SLC41A3: variants seen among roughly 807,000 people sequenced by gnomAD.
SLC41A3 encodes solute carrier family 41 member 3, also known as SLC41A1-like 2.
A neutral mutation model predicts 45.4 loss-of-function variants in SLC41A3; 44 were observed. The observed-to-expected ratio is 0.97, with a 90% CI of 0.76 to 1.25. The LOEUF is 1.25. Ranked by LOEUF, SLC41A3 falls within the 50% of genes most tolerant of loss-of-function variation. SLC41A3 has a pLI of 0.00. For missense variants in SLC41A3, 550 were observed against 600.6 expected (o/e 0.92, Z 0.88); for synonymous variants, 256 against 252.4 (o/e 1.01, Z -0.13).
chr3:126,043,012 G>GA (rs35200644), intron 3 of SLC41A3, among the ~76,000 whole-genome samples: 24,505 of 138,856 alleles, frequency 0.18, 2,553 homozygotes, highest in Middle Eastern at 0.28. Flanking sequence ...TCCCAAATTT[G>GA]AAAAAAAAAA....
rs1559879560 is a variant in SLC41A3 at position 126,068,143 on chromosome 3, A to T, written c.77T>A (p.Leu26His). The T allele has an allele frequency of 2.5e-6, 4 of 1,605,356 alleles. No homozygotes were observed. Among genetic ancestry groups the T allele is most frequent in the Non-Finnish European group, 3.4e-6 (4 of 1,176,202 alleles). Residue 26 changes from leucine to histidine, a missense_variant, in exon 2 of 11, where the codon CTC becomes CAC. Transcript: ENST00000360370. ...GGCTACAGGGAGTCCTCCTGTGCTG[A>T]GGGGGTGAGGAAGCCCCAGCTCCCC... The part of the protein sequence containing the change: ...KPGELGLPHP[L>H]STGGLPVASE...
At chr3:126,080,076 A>T (rs1459302263) in intron 1 of SLC41A3, among the ~76,000 whole-genome samples, 1 of 152,234 alleles carries the variant, frequency 6.6e-6, no homozygotes, top group African/African-American at 2.4e-5. Context: ...ACATCAAAAC[A>T]GATTAAAGGC....
intron 9 of SLC41A3, among the ~76,000 whole-genome samples, chr3:126,011,133 G>A (rs1344471480): frequency 2.0e-5 from 3 of 152,124 alleles, no homozygotes; most frequent in Non-Finnish European, 4.4e-5. Context: ...CCGTTCTAAT[G>A]AAGCCACTAC....
At chr3:126,056,606 C>T in intron 2 of SLC41A3, 2 of 1,565,672 alleles carry the variant, frequency 1.3e-6, no homozygotes, top group South Asian at 1.2e-5. Context: ...CTGGGGTGCT[C>T]CAGTCCTCTC....
intron 1 of SLC41A3, among the ~76,000 whole-genome samples, chr3:126,070,920 G>A (rs1944589384): frequency 6.6e-6 from 1 of 151,796 alleles, no homozygotes; most frequent in Non-Finnish European, 1.5e-5. Context: ...AATCAAGTTG[G>A]AATTAAGTTG....
At chr3:126,099,957 A>G (rs912703783) in intron 1 of SLC41A3, among the ~76,000 whole-genome samples, 4 of 152,090 alleles carry the variant, frequency 2.6e-5, no homozygotes, top group African/African-American at 4.8e-5. Flanking sequence ...AGGATGCCTA[A>G]TGGATGTGCA....
At chr3:126,074,084 C>T (rs1258580012) in intron 1 of SLC41A3, among the ~76,000 whole-genome samples, 1 of 151,918 alleles carries the variant, frequency 6.6e-6, no homozygotes, top group South Asian at 2.1e-4. Flanking sequence ...GGGGAGAAAA[C>T]ATAGCTCAAC....
At chr3:126,088,151 G>T (rs527649770), upstream of SLC41A3, among the ~76,000 whole-genome samples, 4 of 151,400 alleles carry the variant, frequency 2.6e-5, no homozygotes, top group Admixed American at 1.3e-4. Context: ...ATTTTTTTTT[G>T]AAAACAGGCC....
chr3:126,040,094 G>A (rs1457638416), intron 3 of SLC41A3, among the ~76,000 whole-genome samples: 2 of 152,218 alleles, frequency 1.3e-5, no homozygotes, highest in Admixed American at 6.5e-5. Flanking sequence ...AAGAGCGGGT[G>A]GGGCATGTCA....
intron 4 of SLC41A3, among the ~76,000 whole-genome samples, chr3:126,027,960 A>G (rs6784741): frequency 0.71 from 107,401 of 152,138 alleles, 39,556 homozygotes; most frequent in African/African-American, 0.92. Flanking sequence ...CATTCAAGAT[A>G]TGAACTGGCT....
chr3:126,045,576 A>G (rs1428559737), intron 3 of SLC41A3, among the ~76,000 whole-genome samples: 2 of 152,182 alleles, frequency 1.3e-5, no homozygotes, highest in African/African-American at 4.8e-5. Context: ...AATCATGGGA[A>G]ATACAAAATC....
rs545816020 is a variant in SLC41A3, at chr3:126,092,368, C to T, written c.-79+9061G>A. ...ACTAGCCAGACCTACCCCTTTATTTCGGCCCATCCCTTCATTTCCCATAAG... is the reference window on the plus strand; with the variant it reads ...ACTAGCCAGACCTACCCCTTTATTTTGGCCCATCCCTTCATTTCCCATAAG... On this transcript the variant is annotated intron_variant, in intron 1 of 9. Coordinates refer to the SLC41A3 transcript ENST00000508835. 5.9e-5 allele frequency among the ~76,000 whole-genome samples: 9 copies of T among 151,912 alleles called. 1 individual carries two copies. Among genetic ancestry groups the T allele is most frequent in the East Asian group, 1.9e-4 (1 of 5,188 alleles).
At chr3:126,048,496 C>T (rs1353801188) in intron 3 of SLC41A3, among the ~76,000 whole-genome samples, 2 of 152,154 alleles carry the variant, frequency 1.3e-5, no homozygotes. Flanking sequence ...TTACAGTTTT[C>T]TAAGTGATTT....
chr3:126,069,404 T>C (rs1056475531), intron 1 of SLC41A3, among the ~76,000 whole-genome samples: 2 of 152,154 alleles, frequency 1.3e-5, no homozygotes, highest in Non-Finnish European at 2.9e-5. Context: ...CAGCTGGCAC[T>C]GGGCAGAGAC....
upstream of SLC41A3, among the ~76,000 whole-genome samples, chr3:126,086,408 G>GGTTTTTTTTGTTTTTTTTTT (rs776330275): frequency 9.4e-5 from 2 of 21,184 alleles, 1 homozygote; most frequent in Admixed American, 1.2e-3. Context: ...TTGTTTTCTT[G>GGTTTTTTTTGTTTTTTTTTT]TTTTTTTTTT....
intron 10 of SLC41A3, among the ~76,000 whole-genome samples, chr3:126,008,515 G>C (rs562990150): frequency 6.6e-6 from 1 of 151,166 alleles, no homozygotes. Context: ...TGTGGGATGC[G>C]CTGTGTGGTG....
chr3:126,097,273 A>T (rs1224618525), intron 1 of SLC41A3, among the ~76,000 whole-genome samples: 1 of 152,046 alleles, frequency 6.6e-6, no homozygotes, highest in Non-Finnish European at 1.5e-5. Flanking sequence ...CCCCCGGAAG[A>T]TCATACTTCA....
intron 1 of SLC41A3, among the ~76,000 whole-genome samples, chr3:126,089,634 G>A (rs1334468555): frequency 6.6e-6 from 1 of 152,146 alleles, no homozygotes; most frequent in Non-Finnish European, 1.5e-5. Context: ...TATCGTTTGT[G>A]GAACATTTAC....
intron 1 of SLC41A3, among the ~76,000 whole-genome samples, chr3:126,090,027 T>TC (rs1945459668): frequency 1.3e-5 from 1 of 78,508 alleles, no homozygotes; most frequent in Non-Finnish European, 2.4e-5. Context: ...GTCAAGAAAA[T>TC]CTTTTTTTTT....
Sources: gnomAD v4.1 joint callset for allele counts (sites outside exome capture counted in the v4.1 genomes callset) on GRCh38, gnomAD v4.1.1 for gene constraint, MANE v1.5 for transcripts, NCBI Gene and HGNC (gene_info 2026-07-23, HGNC 2026-07-21) for gene names.